Variants in UMODL1 observed in about 807,000 individuals in gnomAD.
UMODL1 encodes the protein uromodulin-like 1.
UMODL1 carries 128 observed loss-of-function variants against 136.3 expected under a neutral mutation model. That is an observed-to-expected ratio of 0.94 (90% CI 0.81 to 1.09). The LOEUF (loss-of-function observed/expected upper bound fraction) is 1.09. Ranked by LOEUF, UMODL1 falls within the 50% of genes least tolerant of loss-of-function variation. The pLI is 0.00. For missense variants in UMODL1, 1,766 were observed against 1,725.6 expected, an observed-to-expected ratio of 1.02 and a Z score of -0.41; for synonymous variants, 721 against 720.0, an observed-to-expected ratio of 1.00 and a Z score of -0.02.
At chr21:42,069,229 AACACAC>A (rs61712292), upstream of UMODL1, among the ~76,000 whole-genome samples, 525 of 136,398 alleles carry the variant, frequency 3.8e-3, 2 homozygotes, top group Middle Eastern at 0.02. Context: ...CACAGACAGA[AACACAC>A]ACACACACAC....
intron 9 of UMODL1, among the ~76,000 whole-genome samples, chr21:42,106,505 G>A (rs932907848): frequency 2.0e-5 from 3 of 152,178 alleles, no homozygotes; most frequent in African/African-American, 7.2e-5. Context: ...GGCGCTGTTC[G>A]CCCGTGGAGG....
chr21:42,090,474 G>A, intron 6 of UMODL1, 36 bp downstream of exon 6: 12 of 1,607,886 alleles, frequency 7.5e-6, no homozygotes, highest in Non-Finnish European at 1.0e-5. Context: ...CATGGGAATG[G>A]CTTAATTCCT....
chr21:42,074,924 G>A (rs1208159918), intron 1 of UMODL1, among the ~76,000 whole-genome samples: 3 of 148,710 alleles, frequency 2.0e-5, no homozygotes, highest in Non-Finnish European at 4.5e-5. Context: ...TTTTTCAGAG[G>A]GAGTCTTCAC....
chr21:42,120,810 G>A (rs577474895), intron 15 of UMODL1: 2 of 302,860 alleles, frequency 6.6e-6, no homozygotes, highest in African/African-American at 2.2e-5. Flanking sequence ...GGTTACTCCC[G>A]GGAACTGAAG....
At chr21:42,139,074 G>A (rs1370424041) in intron 22 of UMODL1, among the ~76,000 whole-genome samples, 1 of 152,096 alleles carries the variant, frequency 6.6e-6, no homozygotes, top group African/African-American at 2.4e-5. Flanking sequence ...AGGCTGAGGT[G>A]GAAGGATCCC....
intron 1 of UMODL1, among the ~76,000 whole-genome samples, chr21:42,065,536 T>C (rs1011655834): frequency 6.0e-5 from 9 of 150,188 alleles, no homozygotes; most frequent in African/African-American, 1.7e-4. Flanking sequence ...CTCTTTCTTT[T>C]TTTTTCTTTT....
chr21:42,126,903 C>A, intron 18 of UMODL1, 103 bp from the exon 19 acceptor site: 1 of 958,300 alleles, frequency 1.0e-6, no homozygotes, highest in South Asian at 1.4e-5. Flanking sequence ...CGTTCATTTG[C>A]ACGTTCCTCT....
At chr21:42,088,547 G>A in intron 5 of UMODL1, 67 bp downstream of exon 5, 1 of 1,464,878 alleles carries the variant, frequency 6.8e-7, no homozygotes, top group East Asian at 2.4e-5. Flanking sequence ...CAAAATGCAA[G>A]GTGGACGCTA....
rs144704529 is a variant in UMODL1 at position 42,065,458 on chromosome 21, C to T, written c.-141+2244C>T. ...ACGAAATGCTGGTGCAGGTGTGGATCGAGCCAGTTATCTTCACTATCTGGA... is the reference window on the plus strand; with the variant it reads ...ACGAAATGCTGGTGCAGGTGTGGATTGAGCCAGTTATCTTCACTATCTGGA... On this transcript the variant is annotated intron_variant, in intron 1 of 22. Transcript: ENST00000400424. 2.4e-3 allele frequency among the ~76,000 whole-genome samples: 371 copies of T among 152,144 alleles called. 1 individual carries two copies. The highest frequency in any genetic ancestry group is 8.5e-3 in the African/African-American group (354 of 41,490).
chr21:42,127,678 T>C lies in UMODL1; in HGVS notation c.3537T>C (p.Pro1179=), dbSNP rs220158. 1,439,494 of 1,613,138 alleles carry C rather than the reference T, an allele frequency of 0.89. 643,911 individuals are homozygous for C. The highest frequency in any genetic ancestry group is 0.93 in the Middle Eastern group (5,665 of 6,062). The part of the protein sequence containing the change: ...ITFSFINNSC[P]VPNTYTNVIE... Reference sequence around the variant, plus strand: ...CCATTTCCTCTCTTCTCAGCTGCCCTGTGCCCAACACATACACCAACGTGA... The same window carrying C: ...CCATTTCCTCTCTTCTCAGCTGCCCCGTGCCCAACACATACACCAACGTGA... The change falls in exon 20 of 23, where the codon CCT becomes CCC. Residue 1179 remains proline, a synonymous_variant. Coordinates refer to ENST00000408910, the MANE Select transcript of UMODL1 (RefSeq NM_001004416.3).
chr21:42,065,564 G>GTC (rs1264626771), intron 1 of UMODL1, among the ~76,000 whole-genome samples: 2 of 149,862 alleles, frequency 1.3e-5, no homozygotes, highest in Non-Finnish European at 3.0e-5. Flanking sequence ...TTGAGGCGGA[G>GTC]TCTCGCTCTG....
At chr21:42,070,180 G>A (rs990324170), upstream of UMODL1, among the ~76,000 whole-genome samples, 7 of 152,192 alleles carry the variant, frequency 4.6e-5, no homozygotes, top group South Asian at 2.1e-4. Context: ...TGGAGGAATC[G>A]TTTTGTATCT....
chr21:42,090,492 C>T (rs1405892196), intron 6 of UMODL1, 54 bp downstream of exon 6: 2 of 1,597,334 alleles, frequency 1.3e-6, no homozygotes, highest in African/African-American at 2.7e-5. Context: ...CCTGTTTGCC[C>T]CGGGAATACT....
chr21:42,137,955 G>A (rs968862168), intron 22 of UMODL1, among the ~76,000 whole-genome samples: 72 of 152,078 alleles, frequency 4.7e-4, no homozygotes, highest in African/African-American at 1.6e-3. Context: ...TTCTGAAAAA[G>A]CAACCAGGAG....
chr21:42,075,248 G>GGC (rs1555917900), intron 1 of UMODL1, among the ~76,000 whole-genome samples: 4 of 151,856 alleles, frequency 2.6e-5, no homozygotes, highest in African/African-American at 9.7e-5. Context: ...AGATGGGGGG[G>GGC]GGGTTTCACC....
intron 16 of UMODL1, among the ~76,000 whole-genome samples, chr21:42,121,708 A>G (rs1312068274): frequency 6.6e-6 from 1 of 152,182 alleles, no homozygotes. Context: ...CGTCAAGTGA[A>G]GGGAGGTGGG....
chr21:42,092,770 T>C lies in UMODL1; in HGVS notation c.931+2332T>C, dbSNP rs193126750. 5.9e-3 allele frequency among the ~76,000 whole-genome samples: 894 copies of C among 152,328 alleles called. 4 individuals are homozygous for C. Among genetic ancestry groups the C allele is most frequent in the South Asian group, 0.011 (53 of 4,830 alleles). The stretch of plus-strand genomic sequence containing the variant: ...TGGCAGTTGCCCGCACTTCACGCGC[T>C]CTGGGCTCTGCTCTGAGCACTCTGT... On this transcript the variant is annotated intron_variant, in intron 6 of 22. Coordinates refer to ENST00000408910, the MANE Select transcript of UMODL1 (RefSeq NM_001004416.3).
At chr21:42,116,353 G>GA (rs780549709) in intron 14 of UMODL1, among the ~76,000 whole-genome samples, 150 of 140,982 alleles carry the variant, frequency 1.1e-3, no homozygotes, top group East Asian at 3.2e-3. Flanking sequence ...AACCCTGTGG[G>GA]AAAAAAAAAA....
rs1052312102 is a variant in UMODL1, at chr21:42,076,057, C to T, written c.129C>T (p.His43=). 6.5e-5 allele frequency: 105 copies of T among 1,614,146 alleles called. No homozygotes were observed. Among genetic ancestry groups the T allele is most frequent in the Non-Finnish European group, 8.1e-5 (96 of 1,180,058 alleles). ...GYQLCSHRVT[H]TVQKVEAVQT... Reference sequence around the variant, plus strand: ...AGCTATGCAGCCACCGTGTGACCCACACTGTACAGAAGGTGGAGGCCGTGC... The same window carrying T: ...AGCTATGCAGCCACCGTGTGACCCATACTGTACAGAAGGTGGAGGCCGTGC... Residue 43 remains histidine (H), a synonymous_variant, in exon 2 of 23, where the codon CAC becomes CAT. Transcript: ENST00000408910.
Sources: gnomAD v4.1 joint callset for allele counts (sites outside exome capture counted in the v4.1 genomes callset) on GRCh38, gnomAD v4.1.1 for gene constraint, MANE v1.5 for transcripts, NCBI Gene and HGNC (gene_info 2026-07-23, HGNC 2026-07-21) for gene names.